Variants in EDAR observed in about 807,000 individuals in gnomAD.
The protein encoded by EDAR is tumor necrosis factor receptor superfamily member EDAR.
EDAR carries 38 observed loss-of-function variants against 51.3 expected under a neutral mutation model. The ratio of observed to expected loss-of-function variants is 0.74; its 90% confidence interval spans 0.57 to 0.97. The LOEUF is 0.97. Among genes scored for constraint, EDAR ranks in the 50% least tolerant of loss-of-function variants. The pLI is 0.00. For missense variants in EDAR, 528 were observed against 595.0 expected (o/e 0.89, Z 1.17); for synonymous variants, 227 against 242.1 (o/e 0.94, Z 0.58).
chr2:108,918,778 C>T (rs1229508854), intron 5 of EDAR, among the ~76,000 whole-genome samples: 1 of 152,166 alleles, frequency 6.6e-6, no homozygotes, highest in Non-Finnish European at 1.5e-5. Flanking sequence ...TGTTAATCCA[C>T]ACAATTTAGA....
At chr2:108,975,680 G>A (rs1452483979) in intron 1 of EDAR, among the ~76,000 whole-genome samples, 1 of 152,172 alleles carries the variant, frequency 6.6e-6, no homozygotes, top group Non-Finnish European at 1.5e-5. Flanking sequence ...TAAGGAGCTT[G>A]CGAAGCCCCT....
intron 1 of EDAR, among the ~76,000 whole-genome samples, chr2:108,984,438 C>T (rs1054332162): frequency 2.0e-5 from 3 of 152,124 alleles, no homozygotes; most frequent in South Asian, 2.1e-4. Flanking sequence ...CCCCTTGCCA[C>T]GGCCCGCTCA....
intron 11 of EDAR, among the ~76,000 whole-genome samples, chr2:108,901,882 T>C (rs1696706797): frequency 2.0e-5 from 3 of 152,272 alleles, no homozygotes; most frequent in Middle Eastern, 3.4e-3. Flanking sequence ...GGTGGGTATA[T>C]TGCTTGAGGT....
chr2:108,894,974 C>T lies in EDAR; in HGVS notation c.*1933G>A, dbSNP rs1696553719. On this transcript the variant is annotated 3_prime_UTR_variant, in exon 12 of 12. Coordinates refer to ENST00000258443, the MANE Select transcript of EDAR (RefSeq NM_022336.4). ...CAAGCTGTTATCCTGGAATGGCACACTCATCACAAGTGACATTTGCAGTCT... is the reference window on the plus strand; with the variant it reads ...CAAGCTGTTATCCTGGAATGGCACATTCATCACAAGTGACATTTGCAGTCT... 6.6e-6 allele frequency: 1 copy of T among 152,218 alleles called. No individual in the cohort carries two copies. Among genetic ancestry groups the T allele is most frequent in the Admixed American group, 6.6e-5 (1 of 15,260 alleles). 9.4% of individuals were successfully genotyped at this position (152,218 alleles called of 1,614,324 possible).
intron 1 of EDAR, among the ~76,000 whole-genome samples, chr2:108,938,401 GC>G (rs1697518607): frequency 1.3e-5 from 2 of 152,160 alleles, no homozygotes; most frequent in African/African-American, 2.4e-5. Context: ...CAGAACTGGG[GC>G]TGGCGTCCCA....
At chr2:108,926,781 G>A (rs925461907) in intron 4 of EDAR, among the ~76,000 whole-genome samples, 5 of 152,228 alleles carry the variant, frequency 3.3e-5, no homozygotes, top group African/African-American at 1.2e-4. Flanking sequence ...CAAACCGCAG[G>A]CAGGGGCCTG....
chr2:108,974,408 T>G (rs1391730113), intron 1 of EDAR, among the ~76,000 whole-genome samples: 1 of 150,900 alleles, frequency 6.6e-6, no homozygotes, highest in African/African-American at 2.4e-5. Context: ...GTACCCTGTT[T>G]ATGAACATTA....
intron 1 of EDAR, among the ~76,000 whole-genome samples, chr2:108,938,147 T>C (rs998132902): frequency 6.6e-6 from 1 of 152,344 alleles, no homozygotes; most frequent in Non-Finnish European, 1.5e-5. Context: ...AGGAAGAGCA[T>C]GGAAAATCAG....
intron 1 of EDAR, among the ~76,000 whole-genome samples, chr2:108,933,679 C>T (rs13419228): frequency 0.019 from 2,862 of 152,272 alleles, 42 homozygotes; most frequent in African/African-American, 0.04. Context: ...TGGACTGAGG[C>T]AAGATTGAGG....
intron 4 of EDAR, 103 bp from the exon 5 acceptor site, chr2:108,923,556 A>G (rs1240707746): frequency 6.6e-6 from 7 of 1,057,432 alleles, no homozygotes; most frequent in Admixed American, 1.8e-5. Flanking sequence ...GCCCACAATC[A>G]AGTCGGGCAT....
At chr2:108,977,294 A>C (rs1019788301) in intron 1 of EDAR, among the ~76,000 whole-genome samples, 5 of 151,796 alleles carry the variant, frequency 3.3e-5, no homozygotes, top group African/African-American at 1.2e-4. Flanking sequence ...TTTGAGATGG[A>C]GTCTCGCTCT....
chr2:108,961,718 C>T (rs552033029), intron 1 of EDAR, among the ~76,000 whole-genome samples: 5 of 152,234 alleles, frequency 3.3e-5, no homozygotes, highest in Admixed American at 2.0e-4. Flanking sequence ...TGGGTGGGTG[C>T]GGAAAAGCCT....
At chr2:108,914,100 A>C (rs1277228409) in intron 5 of EDAR, among the ~76,000 whole-genome samples, 2 of 151,968 alleles carry the variant, frequency 1.3e-5, no homozygotes, top group Non-Finnish European at 2.9e-5. Flanking sequence ...ATCTCTACTG[A>C]ATACAAAAAA....
At chr2:108,958,775 T>G (rs1442271747) in intron 1 of EDAR, among the ~76,000 whole-genome samples, 2 of 152,100 alleles carry the variant, frequency 1.3e-5, no homozygotes, top group Non-Finnish European at 2.9e-5. Context: ...TTGTTGAATG[T>G]TGTGACTGGA....
rs368571532 is a variant in EDAR at position 108,896,950 on chromosome 2, G to A, written c.1304C>T (p.Ala435Val). Residue 435 changes from alanine (A) to valine (V), a missense_variant, in exon 12 of 12, where the codon GCG (alanine) becomes GTG (valine). Transcript: ENST00000258443. ...CTGGGAGGCAGGTGGCACAACCCCC[G>A]CCCACTCCAGTATGTCTGCACACAA... ...ESLCADILEW[A>V]GVVPPASQPH... is the part of the protein sequence containing the mutation. 124 of 1,613,032 alleles carry A rather than the reference G, an allele frequency of 7.7e-5. No individual in the cohort carries two copies. The highest frequency in any genetic ancestry group is 1.8e-4 in the South Asian group (16 of 90,844).
At chr2:108,944,962 G>A (rs900594200) in intron 1 of EDAR, among the ~76,000 whole-genome samples, 5 of 152,166 alleles carry the variant, frequency 3.3e-5, no homozygotes, top group South Asian at 4.2e-4. Flanking sequence ...GATGTTTCCC[G>A]TGGTGCAAAG....
chr2:108,964,723 C>T (rs539066878), intron 1 of EDAR, among the ~76,000 whole-genome samples: 4 of 152,302 alleles, frequency 2.6e-5, no homozygotes, highest in South Asian at 2.1e-4. Flanking sequence ...CCACACTCTC[C>T]GTTACGCCAC....
intron 5 of EDAR, among the ~76,000 whole-genome samples, chr2:108,915,361 T>A (rs1697007481): frequency 1.3e-5 from 2 of 152,226 alleles, no homozygotes; most frequent in Admixed American, 1.3e-4. Context: ...GATGCTTCTC[T>A]GTCCTCACAC....
At chr2:108,931,621 T>C (rs1373249020) in intron 1 of EDAR, among the ~76,000 whole-genome samples, 4 of 152,228 alleles carry the variant, frequency 2.6e-5, no homozygotes, top group African/African-American at 9.6e-5. Flanking sequence ...ACTTAAGGGA[T>C]TGAAGGGATT....
Sources: allele counts gnomAD v4.1 joint callset (sites outside exome capture counted in the v4.1 genomes callset), GRCh38; gene constraint gnomAD v4.1.1; transcripts MANE v1.5; gene names NCBI Gene and HGNC (gene_info 2026-07-23, HGNC 2026-07-21).